The following PALLD variants were observed in gnomAD, a reference collection of about 807,000 sequenced individuals.
The protein encoded by PALLD is palladin, cytoskeletal associated protein.
Under a neutral mutation model 123.5 loss-of-function variants are expected in PALLD, and 61 were observed. That is an observed-to-expected ratio of 0.49 (90% confidence interval 0.40 to 0.61). The LOEUF is 0.61. Among genes scored for constraint, PALLD ranks in the 20% least tolerant of loss-of-function variants. The pLI is 0.00. For missense variants in PALLD, 1,273 were observed against 1,377.0 expected, an observed-to-expected ratio of 0.92 and a Z score of 1.20; for synonymous variants, 465 against 496.4, an observed-to-expected ratio of 0.94 and a Z score of 0.84.
intron 2 of PALLD, among the ~76,000 whole-genome samples, chr4:168,608,000 T>A (rs982561035): frequency 3.3e-5 from 5 of 152,194 alleles, no homozygotes; most frequent in African/African-American, 1.2e-4. Context: ...GGCTACCAGC[T>A]GCTCACAAGT....
chr4:168,580,028 C>A, intron 2 of PALLD, among the ~76,000 whole-genome samples: 1 of 152,038 alleles, frequency 6.6e-6, no homozygotes, highest in East Asian at 1.9e-4. Flanking sequence ...AATAGCTCCT[C>A]ATTTCCTCCA....
At chr4:168,537,863 G>A (rs1765237548) in intron 2 of PALLD, 1 of 152,220 alleles carries the variant, frequency 6.6e-6, no homozygotes, top group Non-Finnish European at 1.5e-5. Context: ...AAAGGTTCAG[G>A]AAAAGGGAAA....
chr4:168,661,738 C>A (rs748377590), intron 2 of PALLD, among the ~76,000 whole-genome samples: 1 of 152,086 alleles, frequency 6.6e-6, no homozygotes, highest in African/African-American at 2.4e-5. Context: ...TGTGTCTATC[C>A]ATAGATACAT....
rs1762760958 is a variant in PALLD, at chr4:168,927,936, CTT to C, written c.*1757_*1758del. 1.0e-5 allele frequency: 2 copies of C among 200,096 alleles called. No individual in the cohort carries two copies. Among genetic ancestry groups the C allele is most frequent in the South Asian group, 1.9e-4 (1 of 5,224 alleles). The allele number at this position is 200,096 out of a possible 1,614,324, so 12.4% of individuals were successfully genotyped here. A position where few individuals can be genotyped will look rare whatever the true frequency, so the allele number is the denominator to read the frequency against. On this transcript the variant is annotated 3_prime_UTR_variant, in exon 22 of 22. Coordinates refer to ENST00000505667, the MANE Select transcript of PALLD (RefSeq NM_001166108.2). ...CTTTCATTATTTATAAGTGGCCTCT[CTT>C]AGCTCAGTTACTCAATTCATACGTA... is the stretch of plus-strand genomic sequence containing the variant.
chr4:168,522,139 A>C (rs946272376), intron 2 of PALLD, among the ~76,000 whole-genome samples: 1 of 152,146 alleles, frequency 6.6e-6, no homozygotes, highest in African/African-American at 2.4e-5. Flanking sequence ...AATTTCCCTC[A>C]GTTTGCTTTG....
chr4:168,849,999 ACTC>A (rs1407568067), intron 10 of PALLD, among the ~76,000 whole-genome samples: 6 of 152,128 alleles, frequency 3.9e-5, no homozygotes, highest in African/African-American at 1.4e-4. Flanking sequence ...CAATGAATAA[ACTC>A]CTATCCAGTT....
chr4:168,923,903 G>C (rs975375178), intron 18 of PALLD, among the ~76,000 whole-genome samples: 1 of 141,640 alleles, frequency 7.1e-6, no homozygotes, highest in Admixed American at 7.4e-5. Context: ...AGTTGGTTGA[G>C]GCTGTGAATG....
chr4:168,575,983 A>G (rs1300756241), intron 2 of PALLD, among the ~76,000 whole-genome samples: 1 of 152,146 alleles, frequency 6.6e-6, no homozygotes, highest in Admixed American at 6.6e-5. Flanking sequence ...AGGTATTTCT[A>G]TTACAGGTAA....
chr4:168,736,308 T>G (rs1013962157), intron 10 of PALLD, among the ~76,000 whole-genome samples: 3 of 152,170 alleles, frequency 2.0e-5, no homozygotes, highest in Non-Finnish European at 4.4e-5. Context: ...ACACAGTGTG[T>G]ATGTATTGGT....
chr4:168,784,791 T>C (rs1193603882), intron 10 of PALLD, among the ~76,000 whole-genome samples: 1 of 152,178 alleles, frequency 6.6e-6, no homozygotes, highest in East Asian at 1.9e-4. Flanking sequence ...GAGCGTGAAG[T>C]TGTTAAGTGC....
intron 10 of PALLD, among the ~76,000 whole-genome samples, chr4:168,773,618 C>A (rs1355037023): frequency 1.3e-5 from 2 of 152,136 alleles, no homozygotes; most frequent in South Asian, 4.1e-4. Context: ...AAAAATATAA[C>A]CCCAGCTCCA....
chr4:168,602,218 G>A (rs922835257), intron 2 of PALLD, among the ~76,000 whole-genome samples: 3 of 152,200 alleles, frequency 2.0e-5, no homozygotes, highest in Admixed American at 1.3e-4. Flanking sequence ...AGAGAGTTAT[G>A]TACTCGCCAG....
intron 10 of PALLD, among the ~76,000 whole-genome samples, chr4:168,832,373 G>C (rs1468223843): frequency 1.3e-5 from 2 of 151,202 alleles, no homozygotes; most frequent in Non-Finnish European, 3.0e-5. Context: ...CGGGAGCACA[G>C]ATCCCTGAAA....
intron 2 of PALLD, among the ~76,000 whole-genome samples, chr4:168,538,291 A>G (rs928518005): frequency 7.9e-5 from 12 of 152,102 alleles, no homozygotes; most frequent in East Asian, 1.9e-4. Context: ...CCTTTTTTCT[A>G]TCTGGAATCT....
chr4:168,803,382 T>TG (rs1316654739), intron 10 of PALLD, among the ~76,000 whole-genome samples: 1 of 152,104 alleles, frequency 6.6e-6, no homozygotes, highest in Non-Finnish European at 1.5e-5. Flanking sequence ...GATACGTACT[T>TG]GCATATATAC....
intron 2 of PALLD, among the ~76,000 whole-genome samples, chr4:168,615,460 A>G (rs538459005): frequency 1.1e-3 from 167 of 152,366 alleles, no homozygotes; most frequent in African/African-American, 3.9e-3. Context: ...GGGTGTCAGT[A>G]TCTGGCCCGA....
chr4:168,723,401 G>A (rs555683563), intron 10 of PALLD, among the ~76,000 whole-genome samples: 1 of 152,178 alleles, frequency 6.6e-6, no homozygotes, highest in Non-Finnish European at 1.5e-5. Flanking sequence ...TACTGAGGAG[G>A]CTGGAGACAT....
At chr4:168,925,198 A>G in intron 20 of PALLD, 35 bp from the exon 21 acceptor site, 1 of 1,553,576 alleles carries the variant, frequency 6.4e-7, no homozygotes, top group Non-Finnish European at 8.7e-7. Flanking sequence ...TTGTCAAAAA[A>G]ATTCATATTG....
chr4:168,635,148 C>G (rs561741283), intron 2 of PALLD, among the ~76,000 whole-genome samples: 5 of 152,290 alleles, frequency 3.3e-5, no homozygotes, highest in African/African-American at 1.2e-4. Context: ...ACCCGAGGGC[C>G]ACAGCATATC....
Sources: gnomAD v4.1 joint callset for allele counts (sites outside exome capture counted in the v4.1 genomes callset) on GRCh38, gnomAD v4.1.1 for gene constraint, MANE v1.5 for transcripts, NCBI Gene and HGNC (gene_info 2026-07-23, HGNC 2026-07-21) for gene names.